Variants in RANBP2 observed in about 807,000 individuals in gnomAD.
RANBP2 encodes RAN binding protein 2, also known as E3 SUMO-protein ligase RanBP2.
Under a neutral mutation model 303.6 loss-of-function variants are expected in RANBP2, and 57 were observed. The ratio of observed to expected loss-of-function variants is 0.19; its 90% CI spans 0.15 to 0.23. The LOEUF (loss-of-function observed/expected upper bound fraction) is 0.23, where lower values mean the gene tolerates loss of function less well. RANBP2 is among the 10% of genes least tolerant of loss of function. The probability of loss-of-function intolerance (pLI) is 1.00; values close to 1 mark genes in which losing one functional copy is unlikely to be tolerated. For missense variants in RANBP2, 3,138 were observed against 3,780.8 expected, an observed-to-expected ratio of 0.83 and a Z score of 4.46; for synonymous variants, 1,167 against 1,301.5, an observed-to-expected ratio of 0.90 and a Z score of 2.23.
the RANBP2 span, among the ~76,000 whole-genome samples, chr2:109,203,381 C>G: frequency 6.6e-6 from 1 of 152,198 alleles, no homozygotes; most frequent in Admixed American, 6.5e-5. Flanking sequence ...GACGGATGGC[C>G]TTGGGAGGGT....
At chr2:109,688,676 G>T in the RANBP2 span, among the ~76,000 whole-genome samples, 25 of 150,842 alleles carry the variant, frequency 1.7e-4, no homozygotes, top group African/African-American at 5.8e-4. Context: ...CTACTCAGGA[G>T]GCTGAGGCAG....
chr2:109,703,898 C>T, the RANBP2 span, among the ~76,000 whole-genome samples: 1 of 152,194 alleles, frequency 6.6e-6, no homozygotes, highest in Non-Finnish European at 1.5e-5. Flanking sequence ...ATGAGGTCCA[C>T]ACCGCGTAAA....
chr2:108,893,661 C>T, the RANBP2 span, among the ~76,000 whole-genome samples: 1 of 151,774 alleles, frequency 6.6e-6, no homozygotes, highest in East Asian at 1.9e-4. Context: ...CTGCATAAAT[C>T]ACTGATAACA....
At chr2:109,444,793 A>G in the RANBP2 span, among the ~76,000 whole-genome samples, 1 of 152,218 alleles carries the variant, frequency 6.6e-6, no homozygotes, top group Non-Finnish European at 1.5e-5. Context: ...TTAAGATTTC[A>G]AAACACAAAA....
At chr2:109,372,155 A>G in the RANBP2 span, among the ~76,000 whole-genome samples, 5 of 152,262 alleles carry the variant, frequency 3.3e-5, no homozygotes, top group Non-Finnish European at 5.9e-5. Context: ...GTTATTGGGC[A>G]ACTCTTCTGC....
chr2:109,524,652 G>T, the RANBP2 span, among the ~76,000 whole-genome samples: 1 of 151,896 alleles, frequency 6.6e-6, no homozygotes, highest in South Asian at 2.1e-4. Context: ...AGCTGAGGCA[G>T]GAGAATCTCT....
At chr2:109,400,463 A>G in the RANBP2 span, among the ~76,000 whole-genome samples, 5 of 152,084 alleles carry the variant, frequency 3.3e-5, no homozygotes, top group African/African-American at 1.2e-4. Flanking sequence ...ATGCACACAC[A>G]TACACATGTG....
rs199918785 is a variant in RANBP2, at chr2:108,781,339, C to T, written c.8670C>T (p.Ala2890=). The T allele has an allele frequency of 1.3e-4, 210 of 1,613,966 alleles. No individual in the cohort carries two copies. The highest frequency in any genetic ancestry group is 9.9e-4 in the Middle Eastern group (6 of 6,062). The change falls in exon 26 of 29, where the codon GCC becomes GCT. Residue 2890 remains alanine, a synonymous_variant. Transcript: ENST00000283195. The part of the protein sequence containing the change: ...FGTQSVGTQS[A]GKVGEDEDGS... ...CACAGTCAGTCGGAACCCAGTCAGCCGGTAAAGTTGGTGAAGATGAAGATG... is the reference window on the plus strand; with the variant it reads ...CACAGTCAGTCGGAACCCAGTCAGCTGGTAAAGTTGGTGAAGATGAAGATG...
the RANBP2 span, among the ~76,000 whole-genome samples, chr2:108,984,775 C>G: frequency 1.4e-3 from 208 of 152,232 alleles, 1 homozygote; most frequent in African/African-American, 4.8e-3. Flanking sequence ...GGGATGTTCT[C>G]TCTCCTCACC....
chr2:108,943,881 G>C, the RANBP2 span, among the ~76,000 whole-genome samples: 1 of 152,190 alleles, frequency 6.6e-6, no homozygotes, highest in African/African-American at 2.4e-5. Context: ...CTATAACCTT[G>C]CATACCATTT....
the RANBP2 span, among the ~76,000 whole-genome samples, chr2:109,192,101 T>G: frequency 6.6e-6 from 1 of 152,172 alleles, no homozygotes; most frequent in East Asian, 1.9e-4. Context: ...AAGTCAACTT[T>G]GGTTAATTTT....
chr2:109,762,533 C>T, the RANBP2 span, among the ~76,000 whole-genome samples: 2 of 132,452 alleles, frequency 1.5e-5, no homozygotes, highest in African/African-American at 5.6e-5. Context: ...AGATTATCAG[C>T]GTAATTTGTG....
the RANBP2 span, among the ~76,000 whole-genome samples, chr2:109,372,598 G>T: frequency 1.3e-5 from 2 of 152,376 alleles, no homozygotes; most frequent in South Asian, 4.1e-4. Flanking sequence ...AAACAGAGGT[G>T]CAGAAAGGTA....
At chr2:109,528,224 G>A in the RANBP2 span, among the ~76,000 whole-genome samples, 2 of 152,216 alleles carry the variant, frequency 1.3e-5, no homozygotes, top group African/African-American at 2.4e-5. Flanking sequence ...GTGGCATGCA[G>A]GAGGGATACC....
the RANBP2 span, among the ~76,000 whole-genome samples, chr2:108,898,166 T>C: frequency 6.6e-6 from 1 of 152,180 alleles, no homozygotes. Flanking sequence ...CCCCACTCTA[T>C]CCAGGGTAGC....
chr2:109,664,565 T>C, the RANBP2 span, among the ~76,000 whole-genome samples: 10 of 151,756 alleles, frequency 6.6e-5, no homozygotes, highest in South Asian at 1.2e-3. Flanking sequence ...GACCACACCA[T>C]TGCACTCCAC....
At chr2:109,523,439 C>T in the RANBP2 span, among the ~76,000 whole-genome samples, 11 of 152,154 alleles carry the variant, frequency 7.2e-5, no homozygotes, top group Non-Finnish European at 8.8e-5. Context: ...GATGCTGCAC[C>T]TGCTTTCCCT....
chr2:109,613,580 CGCGAACCGGGGTCCGGCCGCGCCCA>C, the RANBP2 span: 1 of 269,610 alleles, frequency 3.7e-6, no homozygotes, highest in Non-Finnish European at 6.8e-6. Context: ...CGCCGCGCCC[CGCGAACCGGGGTCCGGCCGCGCCCA>C]GGCTCCGCAG....
the RANBP2 span, among the ~76,000 whole-genome samples, chr2:108,994,177 G>C: frequency 6.6e-6 from 1 of 152,138 alleles, no homozygotes; most frequent in Non-Finnish European, 1.5e-5. Context: ...ATGCAAGCTG[G>C]ATTTGGAACA....
Sources: allele counts gnomAD v4.1 joint callset (sites outside exome capture counted in the v4.1 genomes callset), GRCh38; gene constraint gnomAD v4.1.1; transcripts MANE v1.5; gene names NCBI Gene and HGNC (gene_info 2026-07-23, HGNC 2026-07-21).